GALNT13: variants seen among roughly 807,000 people sequenced by gnomAD.
GALNT13 encodes the protein UDP-GalNAc:polypeptide N-acetylgalactosaminyltransferase 13.
GALNT13 carries 28 observed loss-of-function variants against 64.2 expected under a neutral mutation model. The ratio of observed to expected loss-of-function variants is 0.44; its 90% CI spans 0.32 to 0.60. The LOEUF (loss-of-function observed/expected upper bound fraction) is 0.60. Ranked by LOEUF, GALNT13 falls within the 20% of genes least tolerant of loss-of-function variation. The pLI is 0.05. For missense variants in GALNT13, 577 were observed against 669.8 expected (o/e 0.86, Z 1.53); for synonymous variants, 214 against 224.6 (o/e 0.95, Z 0.42).
At chr2:153,892,520 G>A (rs1481599734) in intron 1 of GALNT13, among the ~76,000 whole-genome samples, 1 of 151,872 alleles carries the variant, frequency 6.6e-6, no homozygotes, top group Non-Finnish European at 1.5e-5. Context: ...TTAAAGTTAG[G>A]TTTAAAGATG....
intron 3 of GALNT13, among the ~76,000 whole-genome samples, chr2:154,135,440 A>G (rs1353235407): frequency 7.9e-5 from 12 of 152,160 alleles, no homozygotes; most frequent in Admixed American, 4.6e-4. Context: ...CTTTCTACAT[A>G]AGAAATGAAA....
At chr2:153,515,906 T>C in the GALNT13 span, among the ~76,000 whole-genome samples, 1 of 152,178 alleles carries the variant, frequency 6.6e-6, no homozygotes, top group Admixed American at 6.5e-5. Flanking sequence ...ATAGATTAGG[T>C]GCCAGCTCCA....
the GALNT13 span, among the ~76,000 whole-genome samples, chr2:153,438,623 A>G: frequency 7.5e-4 from 114 of 152,236 alleles, no homozygotes; most frequent in African/African-American, 2.6e-3. Flanking sequence ...CGCATTGGCT[A>G]CTGAGGCTTG....
the GALNT13 span, among the ~76,000 whole-genome samples, chr2:153,718,592 T>C: frequency 6.6e-6 from 1 of 152,114 alleles, no homozygotes; most frequent in Admixed American, 6.5e-5. Flanking sequence ...GGCCCACAAG[T>C]CACGTTTCAT....
At chr2:153,133,732 A>G in the GALNT13 span, among the ~76,000 whole-genome samples, 10 of 152,140 alleles carry the variant, frequency 6.6e-5, no homozygotes, top group Admixed American at 6.6e-4. Context: ...ACAGAGACAC[A>G]ATTTCAGTCC....
the GALNT13 span, among the ~76,000 whole-genome samples, chr2:153,782,795 T>C: frequency 6.6e-6 from 1 of 152,166 alleles, no homozygotes; most frequent in East Asian, 1.9e-4. Flanking sequence ...TTGGGAATCA[T>C]TATAAAATAA....
chr2:154,219,660 G>A (rs986588637), intron 4 of GALNT13, among the ~76,000 whole-genome samples: 6 of 152,052 alleles, frequency 3.9e-5, no homozygotes, highest in African/African-American at 1.2e-4. Context: ...TGCTCCAGTT[G>A]AGCAGTCTTC....
At chr2:154,419,629 T>C (rs1480473014) in intron 11 of GALNT13, among the ~76,000 whole-genome samples, 4 of 152,168 alleles carry the variant, frequency 2.6e-5, no homozygotes, top group Admixed American at 6.6e-5. Context: ...CTATGCTTTC[T>C]AGCTATGAGC....
the GALNT13 span, among the ~76,000 whole-genome samples, chr2:153,590,462 G>A: frequency 9.0e-6 from 1 of 111,570 alleles, no homozygotes; most frequent in South Asian, 3.4e-4. Flanking sequence ...AAGGAAGAGA[G>A]AATTCTCTCT....
the GALNT13 span, among the ~76,000 whole-genome samples, chr2:153,256,494 G>T: frequency 6.6e-6 from 1 of 152,182 alleles, no homozygotes; most frequent in Admixed American, 6.5e-5. Context: ...GTCCAGCTTT[G>T]TTCCGTTGCT....
At chr2:153,154,026 G>C in the GALNT13 span, among the ~76,000 whole-genome samples, 1 of 152,050 alleles carries the variant, frequency 6.6e-6, no homozygotes, top group Non-Finnish European at 1.5e-5. Context: ...TCCTATCCAA[G>C]AGCATGGAAT....
At chr2:154,378,160 G>A (rs1441924088) in intron 9 of GALNT13, among the ~76,000 whole-genome samples, 2 of 152,076 alleles carry the variant, frequency 1.3e-5, no homozygotes, top group East Asian at 1.9e-4. Flanking sequence ...TCTCTGTAAA[G>A]GAAACACACC....
intron 11 of GALNT13, among the ~76,000 whole-genome samples, chr2:154,435,508 T>A (rs1209727725): frequency 2.6e-5 from 4 of 151,942 alleles, no homozygotes; most frequent in African/African-American, 9.7e-5. Flanking sequence ...GATTTGGAGA[T>A]TGTCCCCAAA....
the GALNT13 span, among the ~76,000 whole-genome samples, chr2:153,557,215 G>A: frequency 1.3e-5 from 2 of 152,120 alleles, no homozygotes; most frequent in East Asian, 1.9e-4. Context: ...GCTGCCTGCA[G>A]TATTCAGTAC....
chr2:153,767,244 G>T, the GALNT13 span, among the ~76,000 whole-genome samples: 1 of 151,958 alleles, frequency 6.6e-6, no homozygotes, highest in Admixed American at 6.6e-5. Flanking sequence ...TAGAATAATG[G>T]CCTCTAGCTC....
At chr2:154,201,143 T>A (rs140098962) in intron 4 of GALNT13, among the ~76,000 whole-genome samples, 3 of 152,218 alleles carry the variant, frequency 2.0e-5, no homozygotes, top group African/African-American at 7.2e-5. Flanking sequence ...CTGAAGAAAT[T>A]GTGGTCAGCC....
chr2:153,890,136 T>C (rs1449991071), intron 1 of GALNT13, among the ~76,000 whole-genome samples: 2 of 151,932 alleles, frequency 1.3e-5, no homozygotes, highest in Admixed American at 6.6e-5. Context: ...AGAAAGGATG[T>C]CTTTGTAACA....
chr2:153,934,392 A>G (rs114081990), intron 2 of GALNT13, among the ~76,000 whole-genome samples: 67 of 152,216 alleles, frequency 4.4e-4, no homozygotes, highest in Admixed American at 1.4e-3. Context: ...TGTGTGTGTG[A>G]TGATCTCAGG....
the GALNT13 span, among the ~76,000 whole-genome samples, chr2:153,721,275 AC>A: frequency 2.4e-4 from 35 of 148,750 alleles, no homozygotes; most frequent in African/African-American, 8.0e-4. Context: ...AGATTTTGTC[AC>A]CACCAGGCCT....
Sources: allele counts gnomAD v4.1 joint callset (sites outside exome capture counted in the v4.1 genomes callset), GRCh38; gene constraint gnomAD v4.1.1; transcripts MANE v1.5; gene names NCBI Gene and HGNC (gene_info 2026-07-23, HGNC 2026-07-21).